Variants in EYA2 observed in about 807,000 individuals in gnomAD.
EYA2 encodes EYA transcriptional coactivator and phosphatase 2, also known as protein phosphatase EYA2.
In EYA2, 31 loss-of-function variants were observed where a neutral mutation model predicts 69.2. That is an observed-to-expected ratio of 0.45 (90% CI 0.34 to 0.60). The LOEUF is 0.60. Ranked by LOEUF, EYA2 falls within the 20% of genes least tolerant of loss-of-function variation. EYA2 has a pLI of 0.02. For missense variants in EYA2, 622 were observed against 701.2 expected, an observed-to-expected ratio of 0.89 and a Z score of 1.28; for synonymous variants, 257 against 279.4, an observed-to-expected ratio of 0.92 and a Z score of 0.80.
In EYA2 at chr20:47,167,770, C is replaced by A. The variant is rs1179992478; in HGVS notation, c.979-1369C>A. ...GCCCACCCCGACAGCCAAGGAAAAA[C>A]TTCCCACCTCAAGATCTCTAACTGA... On this transcript the variant is annotated intron_variant, in intron 10 of 15. Transcript: ENST00000327619. Among the ~76,000 whole-genome samples, 4 of 152,232 alleles carry A rather than the reference C, an allele frequency of 2.6e-5. No homozygotes were observed. The East Asian group carries it at 7.7e-4, about 29-fold the overall frequency.
chr20:47,063,392 CGTGTGTGT>C (rs35187186), intron 5 of EYA2, among the ~76,000 whole-genome samples: 16,267 of 143,430 alleles, frequency 0.11, 936 homozygotes, highest in Non-Finnish European at 0.14. Flanking sequence ...TGTGCGTGTG[CGTGTGTGT>C]GTGTGTGTGT....
In EYA2 at chr20:47,076,793, G is replaced by A. The variant is rs115642672; in HGVS notation, c.661+2458G>A. Among the ~76,000 whole-genome samples the A allele has an allele frequency of 8.3e-3, 1,262 of 152,214 alleles. 16 individuals are homozygous for A. Among genetic ancestry groups the A allele is most frequent in the African/African-American group, 0.029 (1,203 of 41,526 alleles). ...TCTGGCTCTGAATTTTCCTGGGTTC[G>A]TTCCGTTCTCAGGCAAGCTCCTCCC... On this transcript the variant is annotated intron_variant, in intron 7 of 15. Transcript: ENST00000327619.
chr20:47,115,895 C>T (rs2032877698), intron 9 of EYA2, among the ~76,000 whole-genome samples: 1 of 152,208 alleles, frequency 6.6e-6, no homozygotes, highest in African/African-American at 2.4e-5. Context: ...TTCACCCACC[C>T]CCAGCACTGC....
At chr20:46,990,810 G>A (rs952228663) in intron 2 of EYA2, among the ~76,000 whole-genome samples, 2 of 152,078 alleles carry the variant, frequency 1.3e-5, no homozygotes, top group East Asian at 1.9e-4. Context: ...AGACCCCCTC[G>A]TTGTTTTTCC....
At chr20:47,070,278 G>C (rs1421477185) in intron 5 of EYA2, among the ~76,000 whole-genome samples, 1 of 152,188 alleles carries the variant, frequency 6.6e-6, no homozygotes, top group East Asian at 1.9e-4. Context: ...ATATGTGAAT[G>C]GCTAAAAAGC....
chr20:46,958,335 T>C (rs1979260031), intron 1 of EYA2, among the ~76,000 whole-genome samples: 1 of 152,144 alleles, frequency 6.6e-6, no homozygotes, highest in South Asian at 2.1e-4. Context: ...GAAAATGCCC[T>C]CATTTCTCGC....
chr20:47,061,208 C>G (rs780036428), intron 5 of EYA2, among the ~76,000 whole-genome samples: 2 of 152,072 alleles, frequency 1.3e-5, no homozygotes, highest in Non-Finnish European at 2.9e-5. Context: ...ACCCCATTTC[C>G]CTAGCCTTGA....
chr20:47,107,828 T>G (rs6066201), intron 9 of EYA2, among the ~76,000 whole-genome samples: 98,249 of 151,414 alleles, frequency 0.65, 32,040 homozygotes, highest in Non-Finnish European at 0.66. Flanking sequence ...GAAGAAGAAA[T>G]AAGAAGAAAT....
intron 1 of EYA2, among the ~76,000 whole-genome samples, chr20:46,916,240 C>G (rs1355435053): frequency 6.6e-6 from 1 of 152,146 alleles, no homozygotes; most frequent in East Asian, 1.9e-4. Flanking sequence ...ATCTGCCCCC[C>G]TCCTGTGAAA....
intron 5 of EYA2, among the ~76,000 whole-genome samples, chr20:47,053,694 A>T (rs1246530984): frequency 2.7e-5 from 4 of 148,844 alleles, no homozygotes; most frequent in Non-Finnish European, 6.0e-5. Flanking sequence ...AAAGAGTAAG[A>T]TTCTTCTATC....
intron 2 of EYA2, among the ~76,000 whole-genome samples, chr20:46,993,472 G>A (rs557974311): frequency 6.6e-6 from 1 of 152,302 alleles, no homozygotes; most frequent in East Asian, 1.9e-4. Flanking sequence ...GGCTCTGCAG[G>A]ACCAGCCCTC....
At chr20:46,977,583 G>A (rs762025722) in intron 1 of EYA2, among the ~76,000 whole-genome samples, 1 of 152,222 alleles carries the variant, frequency 6.6e-6, no homozygotes, top group Admixed American at 6.5e-5. Context: ...AGGAGTAGCA[G>A]CTTTGCTCTT....
chr20:47,040,964 C>T (rs1378663466), intron 5 of EYA2, among the ~76,000 whole-genome samples: 1 of 152,188 alleles, frequency 6.6e-6, no homozygotes, highest in Non-Finnish European at 1.5e-5. Context: ...ACACGTGAGG[C>T]TCCACTGTGT....
intron 9 of EYA2, among the ~76,000 whole-genome samples, chr20:47,137,137 A>ATT (rs34443601): frequency 6.6e-6 from 1 of 151,756 alleles, no homozygotes; most frequent in Non-Finnish European, 1.5e-5. Flanking sequence ...GTTTAAATTG[A>ATT]TTTTTTTTAA....
At chr20:47,161,571 C>T (rs1202228460) in intron 10 of EYA2, 1 of 337,524 alleles carries the variant, frequency 3.0e-6, no homozygotes, top group African/African-American at 2.2e-5. Context: ...GGTCTTGCCT[C>T]TGTGAGCTCC....
At chr20:47,042,468 T>C (rs1187860828) in intron 5 of EYA2, among the ~76,000 whole-genome samples, 1 of 152,238 alleles carries the variant, frequency 6.6e-6, no homozygotes, top group East Asian at 1.9e-4. Context: ...GACTTAAGGC[T>C]TAAGTCTGGG....
Position 47,188,002 on chromosome 20 carries a change from C to CCGGGGG in EYA2, c.1537-49_1537-44dup, listed in dbSNP as rs1232935775. The CCGGGGG allele has an allele frequency of 4.0e-5, 62 of 1,540,016 alleles. No homozygotes were observed. In the Admixed American group the frequency reaches 1.2e-3, roughly 29 times the overall value. ...TGCCCTCTAACCACAGGCGTGGAAC[C>CCGGGGG]CGGGGGCAGGGGCGGGGCCATAACC... is the stretch of plus-strand genomic sequence containing the variant. On this transcript the variant is annotated intron_variant, in intron 15 of 15. Transcript: ENST00000327619.
intron 1 of EYA2, among the ~76,000 whole-genome samples, chr20:46,927,044 G>C (rs1029807660): frequency 1.3e-5 from 2 of 152,228 alleles, no homozygotes; most frequent in Non-Finnish European, 2.9e-5. Flanking sequence ...AAGGACATGG[G>C]CCATTCTTCA....
intron 7 of EYA2, among the ~76,000 whole-genome samples, chr20:47,076,798 G>A (rs193011161): frequency 1.1e-4 from 16 of 152,220 alleles, no homozygotes; most frequent in Admixed American, 2.6e-4. Context: ...GGTTCGTTCC[G>A]TTCTCAGGCA....
Sources: allele counts gnomAD v4.1 joint callset (sites outside exome capture counted in the v4.1 genomes callset), GRCh38; gene constraint gnomAD v4.1.1; transcripts MANE v1.5; gene names NCBI Gene and HGNC (gene_info 2026-07-23, HGNC 2026-07-21).